Variants in TPH1 observed in about 807,000 individuals in gnomAD.
The protein encoded by TPH1 is tryptophan 5-hydroxylase 1.
A neutral mutation model predicts 49.5 loss-of-function variants in TPH1; 37 were observed. That is an observed-to-expected ratio of 0.75 (90% CI 0.58 to 0.98). TPH1 has a LOEUF of 0.98. Ranked by LOEUF, TPH1 falls within the 50% of genes least tolerant of loss-of-function variation. The pLI, the probability that TPH1 is intolerant of heterozygous loss-of-function variation, is 0.00. For synonymous variants in TPH1, 160 were observed against 182.1 expected, an observed-to-expected ratio of 0.88 and a Z score of 0.98; for missense variants, 487 against 523.6, an observed-to-expected ratio of 0.93 and a Z score of 0.68.
rs1800532 is a variant in TPH1 at position 18,026,269 on chromosome 11, G to T, written c.803+221C>A. On this transcript the variant is annotated intron_variant, in intron 7 of 10. Coordinates refer to ENST00000682019, the MANE Select transcript of TPH1 (RefSeq NM_004179.3). ...TTCCCTATGCTCAGAATAGCAGCTAGCACCTAATAGGTTGTCAATTAATAA... is the reference window on the plus strand; with the variant it reads ...TTCCCTATGCTCAGAATAGCAGCTATCACCTAATAGGTTGTCAATTAATAA... Among the ~76,000 whole-genome samples, 51,393 of 151,680 alleles carry T rather than the reference G, an allele frequency of 0.34. 9,447 individuals carry two copies. The highest frequency in any genetic ancestry group is 0.46 in the East Asian group (2,390 of 5,162).
intron 9 of TPH1, 60 bp downstream of exon 9, chr11:18,023,828 T>A: frequency 8.7e-6 from 12 of 1,376,462 alleles, no homozygotes; most frequent in Non-Finnish European, 1.2e-5. Flanking sequence ...AAAAACTATT[T>A]CAGGTTTTAT....
intron 1 of TPH1, among the ~76,000 whole-genome samples, chr11:18,041,776 C>T (rs1848100256): frequency 6.6e-6 from 1 of 152,170 alleles, no homozygotes; most frequent in Non-Finnish European, 1.5e-5. Context: ...TGCTATAAAA[C>T]TAAATGGCCA....
In TPH1 at chr11:18,020,266, G is replaced by A. The variant is rs149645637; in HGVS notation, c.*725C>T. 3.9e-3 allele frequency: 596 copies of A among 153,634 alleles called. 3 individuals carry two copies. The highest frequency in any genetic ancestry group is 0.016 in the South Asian group (78 of 4,906). 9.5% of individuals were successfully genotyped at this position (153,634 alleles called of 1,614,324 possible). A position where few individuals can be genotyped will look rare whatever the true frequency, so the allele number is the denominator to read the frequency against. On this transcript the variant is annotated 3_prime_UTR_variant, in exon 11 of 11. Coordinates refer to ENST00000682019, the MANE Select transcript of TPH1 (RefSeq NM_004179.3). ...TGAAAGAAAACAAAGTTTCAAGGAA[G>A]ATAGTCACTTGGGAAGGGGCTCCCT...
In TPH1 at chr11:18,020,728, G is replaced by A; in HGVS notation, c.*263C>T. The A allele has an allele frequency of 2.5e-6, 1 of 397,168 alleles. No homozygotes were observed. The highest frequency in any genetic ancestry group is 5.1e-5 in the East Asian group (1 of 19,650). 24.6% of individuals were successfully genotyped at this position (397,168 alleles called of 1,614,324 possible). ...ACAACTTCTCTATTAAAAATGGGTG[G>A]TCAGTGGCTTGTATGGTATATAAAT... On this transcript the variant is annotated 3_prime_UTR_variant, in exon 11 of 11. Coordinates refer to ENST00000682019, the MANE Select transcript of TPH1 (RefSeq NM_004179.3).
chr11:18,042,378 C>T (rs1489656820), intron 1 of TPH1: 9 of 454,420 alleles, frequency 2.0e-5, no homozygotes, highest in Admixed American at 4.7e-5. Flanking sequence ...TCAATTACCA[C>T]TCAAAGATTG....
chr11:18,039,238 T>C (rs1848075679), intron 2 of TPH1, among the ~76,000 whole-genome samples: 1 of 152,222 alleles, frequency 6.6e-6, no homozygotes, highest in African/African-American at 2.4e-5. Flanking sequence ...AGCTAACATC[T>C]ATTGTTCACT....
At chr11:18,034,510 G>A (rs1484583306) in intron 3 of TPH1, among the ~76,000 whole-genome samples, 1 of 152,162 alleles carries the variant, frequency 6.6e-6, no homozygotes, top group Non-Finnish European at 1.5e-5. Flanking sequence ...CTTCTTGGGG[G>A]GACAGTATCT....
chr11:18,042,262 T>A, intron 1 of TPH1: 1 of 416,542 alleles, frequency 2.4e-6, no homozygotes, highest in Non-Finnish European at 4.7e-6. Flanking sequence ...ACACAGAAAA[T>A]TCCAAATTGG....
In TPH1 at chr11:18,020,819, T is replaced by C. The variant is rs1590258384; in HGVS notation, c.*172A>G. 3.2e-6 allele frequency: 2 copies of C among 632,480 alleles called. No individual in the cohort carries two copies. Among genetic ancestry groups the C allele is most frequent in the East Asian group, 2.7e-5 (1 of 37,422 alleles). The allele number at this position is 632,480 out of a possible 1,614,324, so 39.2% of individuals were successfully genotyped here. On this transcript the variant is annotated 3_prime_UTR_variant, in exon 11 of 11. Transcript: ENST00000682019. ...ACTAAACAAAAAAATAAGTGGTAAA[T>C]AGAATATCCAGGTACAAATTTTCAA...
At chr11:18,035,901 G>T in intron 3 of TPH1, 58 bp downstream of exon 3, 2 of 1,370,010 alleles carry the variant, frequency 1.5e-6, no homozygotes, top group Non-Finnish European at 1.0e-6. Context: ...TAAATATAAG[G>T]CTGGACACAC....
At chr11:18,022,975 T>C in intron 9 of TPH1, 44 bp from the exon 10 acceptor site, 1 of 1,604,940 alleles carries the variant, frequency 6.2e-7, no homozygotes, top group Non-Finnish European at 8.5e-7. Flanking sequence ...ATATCTATTT[T>C]TCATAGATCA....
At chr11:18,021,449 C>T (rs1312546197) in intron 10 of TPH1, among the ~76,000 whole-genome samples, 1 of 152,120 alleles carries the variant, frequency 6.6e-6, no homozygotes, top group Admixed American at 6.5e-5. Context: ...AGATGGATTT[C>T]TTAATCATTT....
intron 4 of TPH1, among the ~76,000 whole-genome samples, chr11:18,030,006 T>G (rs972664778): frequency 3.9e-5 from 6 of 152,220 alleles, no homozygotes; most frequent in African/African-American, 1.4e-4. Context: ...AATCTAGCCT[T>G]AGATTTTATC....
intron 10 of TPH1, among the ~76,000 whole-genome samples, chr11:18,022,268 A>G (rs1854371918): frequency 6.6e-6 from 1 of 152,250 alleles, no homozygotes; most frequent in African/African-American, 2.4e-5. Flanking sequence ...TAGCTGATTA[A>G]TAAAGCGTAG....
intron 4 of TPH1, among the ~76,000 whole-genome samples, chr11:18,033,070 T>G (rs1048509168): frequency 6.6e-6 from 1 of 152,106 alleles, no homozygotes; most frequent in Non-Finnish European, 1.5e-5. Flanking sequence ...CTGGCCAACA[T>G]GGTGAAACCC....
chr11:18,042,301 G>T, intron 1 of TPH1: 2 of 442,808 alleles, frequency 4.5e-6, no homozygotes, highest in South Asian at 3.3e-5. Context: ...TTCAGGGATG[G>T]CCTCAGATAA....
intron 1 of TPH1, chr11:18,042,426 C>A: frequency 2.3e-6 from 1 of 431,980 alleles, no homozygotes; most frequent in South Asian, 1.7e-5. Flanking sequence ...GCGACGTTGT[C>A]CTAAAGCGTG....
chr11:18,026,623 G>C lies in TPH1; in HGVS notation c.670C>G (p.Arg224Gly). The change falls in exon 7 of 11, where the codon CGT becomes GGT. Residue 224 changes from arginine (R) to glycine (G), a missense_variant and splice_region_variant. Coordinates refer to ENST00000682019, the MANE Select transcript of TPH1 (RefSeq NM_004179.3). ...ACAGGACGGATGGAAAAACCTGTAC[G>C]CTCTGCAAAGCAAAGGAGAAAACAA... ...LEDVSNFLKE[R>G]TGFSIRPVAG... The C allele has an allele frequency of 6.2e-7, 1 of 1,613,956 alleles. No homozygotes were observed. Among genetic ancestry groups the C allele is most frequent in the South Asian group, 1.1e-5 (1 of 91,070 alleles).
At chr11:18,042,354 C>T (rs746214284) in intron 1 of TPH1, 23 of 453,502 alleles carry the variant, frequency 5.1e-5, no homozygotes, top group South Asian at 2.7e-4. Flanking sequence ...CTTTCAGAAA[C>T]GTTTCTTACC....
Sources: gnomAD v4.1 joint callset for allele counts (sites outside exome capture counted in the v4.1 genomes callset) on GRCh38, gnomAD v4.1.1 for gene constraint, MANE v1.5 for transcripts, NCBI Gene and HGNC (gene_info 2026-07-23, HGNC 2026-07-21) for gene names.